The following PCYT1B variants were observed in gnomAD, a reference collection of about 807,000 sequenced individuals.
PCYT1B encodes choline-phosphate cytidylyltransferase B.
In PCYT1B, 10 loss-of-function variants were observed where a neutral mutation model predicts 26.4. The observed-to-expected ratio is 0.38, with a 90% CI of 0.23 to 0.64. The LOEUF is 0.64. Among genes scored for constraint, PCYT1B ranks in the 30% least tolerant of loss-of-function variants. The probability of loss-of-function intolerance (pLI) is 0.56; values close to 1 mark genes in which losing one functional copy is unlikely to be tolerated. For missense variants in PCYT1B, 161 were observed against 292.7 expected (o/e 0.55, Z 3.28); for synonymous variants, 131 against 108.4 (o/e 1.21, Z -1.29).
intron 1 of PCYT1B, among the ~76,000 whole-genome samples, chrX:24,640,850 C>G (rs1446889430): frequency 9.0e-6 from 1 of 111,715 alleles, no homozygotes; most frequent in African/African-American, 3.3e-5. Context: ...TCAGACATAA[C>G]TCTCACAAAC....
intron 1 of PCYT1B, among the ~76,000 whole-genome samples, chrX:24,619,300 A>G (rs1276808994): frequency 8.9e-6 from 1 of 112,071 alleles, no homozygotes; most frequent in Non-Finnish European, 1.9e-5. Flanking sequence ...AGAAATAACA[A>G]AAGCTCTTCA....
chrX:24,651,473 ATATAT>A (rs1312493044), upstream of PCYT1B, among the ~76,000 whole-genome samples: 11 of 28,059 alleles, frequency 3.9e-4, no homozygotes, highest in African/African-American at 1.5e-3. Flanking sequence ...AAAAAAAAAA[ATATAT>A]ATATATATAT....
chrX:24,561,881 G>T lies in PCYT1B; in HGVS notation c.*412C>A. Reference sequence around the variant, plus strand: ...TTATTCTGGCAGAGCTGGGGTGGTGGGAGGCAACGTGCAGGACCCTTATGG... The same window carrying T: ...TTATTCTGGCAGAGCTGGGGTGGTGTGAGGCAACGTGCAGGACCCTTATGG... On this transcript the variant is annotated 3_prime_UTR_variant, in exon 8 of 8. Transcript: ENST00000379144. 1 of 416,877 alleles carries T rather than the reference G, an allele frequency of 2.4e-6. No homozygotes were observed. The highest frequency in any genetic ancestry group is 2.5e-5 in the African/African-American group (1 of 40,624). 34.4% of individuals were successfully genotyped at this position (416,877 alleles called of 1,213,427 possible). A position where few individuals can be genotyped will look rare whatever the true frequency, so the allele number is the denominator to read the frequency against.
chrX:24,660,540 C>T (rs951890950), intron 1 of PCYT1B, among the ~76,000 whole-genome samples: 4 of 109,993 alleles, frequency 3.6e-5, no homozygotes, highest in African/African-American at 1.3e-4. Context: ...TACCTGGATG[C>T]GGTGGCATGC....
At chrX:24,654,797 G>GAGGA (rs1926870460) in intron 1 of PCYT1B, among the ~76,000 whole-genome samples, 1 of 105,244 alleles carries the variant, frequency 9.5e-6, no homozygotes, top group African/African-American at 3.5e-5. Flanking sequence ...AGAAGGAAGG[G>GAGGA]AGGAAGGGAG....
intron 1 of PCYT1B, among the ~76,000 whole-genome samples, chrX:24,656,327 G>T (rs1423685296): frequency 9.5e-6 from 1 of 105,484 alleles, no homozygotes; most frequent in Non-Finnish European, 1.9e-5. Context: ...AACCAAAAAA[G>T]AAATGACCTT....
At position 24,560,736 on chromosome X, in the gene PCYT1B, G is replaced by A. The variant is rs1469438484; in HGVS notation, c.*1557C>T. On this transcript the variant is annotated 3_prime_UTR_variant, in exon 8 of 8. Transcript: ENST00000379144. ...GGCTGGTTCCCAAGGCCTCTGAAAAGGGGTATTTCTATCACAAGAGATTCT... is the reference window on the plus strand; with the variant it reads ...GGCTGGTTCCCAAGGCCTCTGAAAAAGGGTATTTCTATCACAAGAGATTCT... 2 of 112,064 alleles carry A rather than the reference G, an allele frequency of 1.8e-5. No homozygotes were observed. The highest frequency in any genetic ancestry group is 3.8e-5 in the Non-Finnish European group (2 of 53,170). 9.2% of individuals were successfully genotyped at this position (112,064 alleles called of 1,213,427 possible). A position where few individuals can be genotyped will look rare whatever the true frequency, so the allele number is the denominator to read the frequency against.
chrX:24,652,879 T>C (rs1025594172), intron 1 of PCYT1B, among the ~76,000 whole-genome samples: 2 of 108,076 alleles, frequency 1.9e-5, no homozygotes, highest in African/African-American at 6.8e-5. Context: ...AGGTCAGGAG[T>C]TCAAGACCAG....
intron 2 of PCYT1B, among the ~76,000 whole-genome samples, chrX:24,610,209 T>C (rs928118043): frequency 2.7e-5 from 3 of 111,953 alleles, no homozygotes; most frequent in Non-Finnish European, 5.6e-5. Flanking sequence ...AAATTGTGAT[T>C]ATTTCTTGAT....
chrX:24,614,385 T>C (rs1247703086), intron 2 of PCYT1B, among the ~76,000 whole-genome samples: 6 of 111,284 alleles, frequency 5.4e-5, no homozygotes, highest in Non-Finnish European at 1.1e-4. Context: ...TAGGAGATGG[T>C]AAGAGAGTCC....
intron 7 of PCYT1B, among the ~76,000 whole-genome samples, chrX:24,573,649 T>C (rs1285394300): frequency 9.0e-6 from 1 of 111,610 alleles, no homozygotes. Flanking sequence ...CTAGATTAAA[T>C]AGAAAATTTC....
In PCYT1B at chrX:24,586,449, C is replaced by A. The variant is rs985775489; in HGVS notation, c.565+792G>T. ...AAGAAAAGGCTGTAGTGGCAGCAGG[C>A]TGAGTGGGAAATGGTGGGAGCAAGC... On this transcript the variant is annotated intron_variant, in intron 5 of 7. Coordinates refer to ENST00000379144, the MANE Select transcript of PCYT1B (RefSeq NM_004845.5). 2.7e-5 allele frequency among the ~76,000 whole-genome samples: 3 copies of A among 112,335 alleles called. No individual in the cohort carries two copies. The Admixed American group carries it at 2.8e-4, about 11-fold the overall frequency.
At position 24,561,552 on chromosome X, in the gene PCYT1B, G is replaced by A. The variant is rs41303161; in HGVS notation, c.*741C>T. 0.011 allele frequency: 1,216 copies of A among 112,197 alleles called. 5 individuals carry two copies. The highest frequency in any genetic ancestry group is 0.014 in the Non-Finnish European group (731 of 53,327). The allele number at this position is 112,197 out of a possible 1,213,427, so 9.2% of individuals were successfully genotyped here. On this transcript the variant is annotated 3_prime_UTR_variant, in exon 8 of 8. Transcript: ENST00000379144. ...AGTTTTTCTTTGTTGCAGTTCCCAC[G>A]GATTAAGGTAATTTCTGCAAAACAA...
At chrX:24,667,562 C>A (rs949204179) in intron 1 of PCYT1B, among the ~76,000 whole-genome samples, 1 of 110,071 alleles carries the variant, frequency 9.1e-6, no homozygotes, top group Non-Finnish European at 1.9e-5. Flanking sequence ...ACTAAAAGTA[C>A]AAAAATTAGC....
intron 3 of PCYT1B, among the ~76,000 whole-genome samples, chrX:24,592,425 C>T (rs1430768621): frequency 9.0e-6 from 1 of 111,431 alleles, no homozygotes; most frequent in Non-Finnish European, 1.9e-5. Flanking sequence ...TTCACATAAT[C>T]CACACCCAAG....
intron 1 of PCYT1B, among the ~76,000 whole-genome samples, chrX:24,639,160 T>C (rs1238103339): frequency 8.9e-6 from 1 of 112,538 alleles, no homozygotes; most frequent in Non-Finnish European, 1.9e-5. Context: ...AGACTTTTGA[T>C]AGGAGCATGA....
chrX:24,638,104 T>TTA (rs1418658236), intron 1 of PCYT1B, among the ~76,000 whole-genome samples: 1 of 111,638 alleles, frequency 9.0e-6, no homozygotes, highest in Admixed American at 9.6e-5. Context: ...ACCGTTGTTA[T>TTA]TTTTCTTAAA....
chrX:24,634,685 G>C (rs1926216631), intron 1 of PCYT1B, among the ~76,000 whole-genome samples: 1 of 111,745 alleles, frequency 8.9e-6, no homozygotes, highest in Non-Finnish European at 1.9e-5. Context: ...GGCAGAGGTT[G>C]TACTGAGCCA....
intron 3 of PCYT1B, among the ~76,000 whole-genome samples, chrX:24,593,852 C>T (rs1010769607): frequency 3.6e-5 from 4 of 111,132 alleles, no homozygotes; most frequent in African/African-American, 6.5e-5. Flanking sequence ...ACAACATACA[C>T]GCAAAGGAGA....
Sources: gnomAD v4.1 joint callset for allele counts (sites outside exome capture counted in the v4.1 genomes callset) on GRCh38, gnomAD v4.1.1 for gene constraint, MANE v1.5 for transcripts, NCBI Gene and HGNC (gene_info 2026-07-23, HGNC 2026-07-21) for gene names.